The following PIK3C3 variants were observed in gnomAD, a reference collection of about 807,000 sequenced individuals.
PIK3C3 encodes PI3-kinase type 3.
In PIK3C3, 95 loss-of-function variants were observed where a neutral mutation model predicts 126.1. The observed-to-expected ratio is 0.75, with a 90% CI of 0.64 to 0.89. The LOEUF (loss-of-function observed/expected upper bound fraction) is 0.89. Among genes scored for constraint, PIK3C3 ranks in the 40% least tolerant of loss-of-function variants. The pLI is 0.00. For missense variants in PIK3C3, 829 were observed against 1,063.2 expected (o/e 0.78, Z 3.06); for synonymous variants, 374 against 360.0 (o/e 1.04, Z -0.44).
intron 22 of PIK3C3, among the ~76,000 whole-genome samples, chr18:42,064,232 T>C (rs1363665291): frequency 6.6e-6 from 1 of 152,130 alleles, no homozygotes; most frequent in Non-Finnish European, 1.5e-5. Flanking sequence ...TTTATCCAGG[T>C]CAGTCACTGT....
chr18:42,029,283 A>T, intron 14 of PIK3C3, 42 bp from the exon 15 acceptor site: 2 of 1,157,014 alleles, frequency 1.7e-6, no homozygotes, highest in Non-Finnish European at 2.6e-6. Context: ...CCAGATCATT[A>T]CGCAACATAG....
intron 4 of PIK3C3, 77 bp from the exon 5 acceptor site, chr18:41,987,735 A>C: frequency 1.1e-6 from 1 of 872,854 alleles, no homozygotes; most frequent in Non-Finnish European, 1.9e-6. Flanking sequence ...TGAAGTGTAC[A>C]TTGCCATTCT....
intron 24 of PIK3C3, among the ~76,000 whole-genome samples, chr18:42,076,110 A>ATATATG (rs1985977961): frequency 2.5e-5 from 2 of 80,312 alleles, no homozygotes; most frequent in African/African-American, 1.1e-4. Flanking sequence ...ATATATATAT[A>ATATATG]TATATATATA....
In PIK3C3 at chr18:42,084,046, T is replaced by C. The variant is rs1316881290; in HGVS notation, c.*2909T>C. On this transcript the variant is annotated 3_prime_UTR_variant, in exon 25 of 25. Transcript: ENST00000262039. ...TACCAAAGGCACACTCAGTAGTCAG[T>C]AAACACATTTCTAGGAAAGGTGTTG... is the stretch of plus-strand genomic sequence containing the variant. 6.6e-6 allele frequency: 1 copy of C among 152,326 alleles called. No individual in the cohort carries two copies. Among genetic ancestry groups the C allele is most frequent in the East Asian group, 1.9e-4 (1 of 5,186 alleles). 9.4% of individuals were successfully genotyped at this position (152,326 alleles called of 1,614,324 possible).
intron 6 of PIK3C3, among the ~76,000 whole-genome samples, chr18:41,991,847 A>T (rs911184994): frequency 6.6e-6 from 1 of 152,168 alleles, no homozygotes; most frequent in African/African-American, 2.4e-5. Flanking sequence ...ATTTATTAGA[A>T]AAAATACATC....
chr18:41,995,463 G>T (rs1353126630), intron 7 of PIK3C3, among the ~76,000 whole-genome samples: 3 of 152,146 alleles, frequency 2.0e-5, no homozygotes, highest in Non-Finnish European at 4.4e-5. Flanking sequence ...TATTGTCCTT[G>T]CCCTCAGTAA....
chr18:42,020,506 G>A (rs1419507488), intron 12 of PIK3C3, 132 bp from the exon 13 acceptor site: 2 of 596,192 alleles, frequency 3.4e-6, no homozygotes, highest in African/African-American at 3.8e-5. Flanking sequence ...TGTAAGGATA[G>A]ATAAATGGCA....
chr18:42,064,758 G>A lies in PIK3C3; in HGVS notation c.2451G>A (p.Leu817=). The A allele has an allele frequency of 6.3e-7, 1 of 1,592,004 alleles. No individual in the cohort carries two copies. Among genetic ancestry groups the A allele is most frequent in the Non-Finnish European group, 8.6e-7 (1 of 1,160,594 alleles). Residue 817 remains leucine, a synonymous_variant, in exon 23 of 25, where the codon TTG becomes TTA. Transcript: ENST00000262039. The stretch of plus-strand genomic sequence containing the variant: ...TCTTTAGGTATTCTAATCTGATTTT[G>A]AACTTGTTTTCCTTGATGGTTGATG... ...LHLRRYSNLI[L]NLFSLMVDAN...
In PIK3C3 at chr18:42,036,507, C is replaced by A. The variant is rs534157051; in HGVS notation, c.1840-1185C>A. ...TCTTATATAATTTCTTCTCAATGACCAAACTCAATAGGGTCTCTCTCTCTC... is the reference window on the plus strand; with the variant it reads ...TCTTATATAATTTCTTCTCAATGACAAAACTCAATAGGGTCTCTCTCTCTC... On this transcript the variant is annotated intron_variant, in intron 16 of 24. Transcript: ENST00000262039. Among the ~76,000 whole-genome samples the A allele has an allele frequency of 2.6e-5, 4 of 151,786 alleles. No homozygotes were observed. In the South Asian group the frequency reaches 8.3e-4, roughly 32 times the overall value.
At chr18:41,966,089 C>G (rs778349543) in intron 3 of PIK3C3, among the ~76,000 whole-genome samples, 1 of 151,710 alleles carries the variant, frequency 6.6e-6, no homozygotes, top group Non-Finnish European at 1.5e-5. Context: ...GTGAAATTAT[C>G]TCACTTAGAG....
chr18:41,998,443 A>T (rs1982131451), intron 9 of PIK3C3, among the ~76,000 whole-genome samples: 1 of 152,176 alleles, frequency 6.6e-6, no homozygotes, highest in Admixed American at 6.5e-5. Flanking sequence ...GTTAGAATGT[A>T]TAGGTTTAAA....
chr18:41,980,469 A>G (rs559026746), intron 4 of PIK3C3, among the ~76,000 whole-genome samples: 1 of 152,204 alleles, frequency 6.6e-6, no homozygotes, highest in East Asian at 1.9e-4. Context: ...TGATGTAACC[A>G]TTACCCCATT....
chr18:42,016,562 C>T lies in PIK3C3; in HGVS notation c.1416+996C>T, dbSNP rs549425175. ...GAGGTTATGTTCTAGAAAGCTCTTA[C>T]AAGTTACTTGTTACTAAAAAAGTAA... is the stretch of plus-strand genomic sequence containing the variant. On this transcript the variant is annotated intron_variant, in intron 12 of 24. Transcript: ENST00000262039. 1.9e-3 allele frequency among the ~76,000 whole-genome samples: 293 copies of T among 152,248 alleles called. 1 individual carries two copies. Among genetic ancestry groups the T allele is most frequent in the African/African-American group, 6.5e-3 (269 of 41,546 alleles).
intron 22 of PIK3C3, among the ~76,000 whole-genome samples, chr18:42,062,712 T>G (rs1985370669): frequency 6.6e-6 from 1 of 151,924 alleles, no homozygotes. Flanking sequence ...AGCCTTCATA[T>G]CTCCTCTGAG....
intron 21 of PIK3C3, chr18:42,049,888 G>A (rs528397398): frequency 1.9e-5 from 4 of 206,842 alleles, no homozygotes; most frequent in East Asian, 1.1e-4. Context: ...CAGGAGAATC[G>A]CTTGAACCCG....
In PIK3C3 at chr18:42,018,173, C is replaced by G. The variant is rs536832451; in HGVS notation, c.1417-2465C>G. ...CCTTCCTCACCATTTCTTCTTATGT[C>G]TGTGACCTACAATATGTGATCTTTT... On this transcript the variant is annotated intron_variant, in intron 12 of 24. Coordinates refer to ENST00000262039, the MANE Select transcript of PIK3C3 (RefSeq NM_002647.4). Among the ~76,000 whole-genome samples the G allele has an allele frequency of 2.6e-5, 4 of 152,026 alleles. No homozygotes were observed. The East Asian group carries it at 5.8e-4, about 22-fold the overall frequency.
chr18:42,044,792 A>G (rs1228376501), intron 20 of PIK3C3, among the ~76,000 whole-genome samples: 1 of 152,168 alleles, frequency 6.6e-6, no homozygotes, highest in African/African-American at 2.4e-5. Context: ...AGTTGACACT[A>G]GAGTTGAGCC....
At chr18:41,999,773 T>G (rs1325349663) in intron 9 of PIK3C3, among the ~76,000 whole-genome samples, 1 of 152,166 alleles carries the variant, frequency 6.6e-6, no homozygotes, top group Non-Finnish European at 1.5e-5. Flanking sequence ...CAGATCAGTG[T>G]GCTGTGACAT....
chr18:41,984,053 A>AT lies in PIK3C3; in HGVS notation c.532-3748dup, dbSNP rs555682009. 8.0e-3 allele frequency among the ~76,000 whole-genome samples: 1,185 copies of AT among 147,364 alleles called. 17 individuals carry two copies. Among genetic ancestry groups the AT allele is most frequent in the African/African-American group, 0.026 (1,036 of 40,294 alleles). On this transcript the variant is annotated intron_variant, in intron 4 of 24. Transcript: ENST00000262039. ...GTGTTCCTTTAAAAAGAGAGAATGA[A>AT]TTTTTTTTTTTCCTGTTTCTTGACC...
Sources: allele counts gnomAD v4.1 joint callset (sites outside exome capture counted in the v4.1 genomes callset), GRCh38; gene constraint gnomAD v4.1.1; transcripts MANE v1.5; gene names NCBI Gene and HGNC (gene_info 2026-07-23, HGNC 2026-07-21).